Variants in RPS6KA6 observed in about 807,000 individuals in gnomAD.
The protein encoded by RPS6KA6 is ribosomal protein S6 kinase A6.
In RPS6KA6, 27 loss-of-function variants were observed where a neutral mutation model predicts 65.4. The observed-to-expected ratio is 0.41, with a 90% CI of 0.30 to 0.57. RPS6KA6 has a LOEUF of 0.57. RPS6KA6 is among the 20% of genes least tolerant of loss of function. The pLI is 0.24. For missense variants in RPS6KA6, 486 were observed against 555.6 expected, an observed-to-expected ratio of 0.87 and a Z score of 1.26; for synonymous variants, 190 against 184.2, an observed-to-expected ratio of 1.03 and a Z score of -0.26.
At chrX:84,070,569 A>G (rs973270221) in intron 20 of RPS6KA6, among the ~76,000 whole-genome samples, 3 of 111,186 alleles carry the variant, frequency 2.7e-5, no homozygotes, top group Non-Finnish European at 5.7e-5. Flanking sequence ...ATTAACCAAA[A>G]AAAAACTGTT....
chrX:84,070,903 C>G (rs2033529323), intron 20 of RPS6KA6, among the ~76,000 whole-genome samples: 1 of 108,905 alleles, frequency 9.2e-6, no homozygotes, highest in African/African-American at 3.3e-5. Context: ...CCTATCTGCC[C>G]GAAACAACCA....
At position 84,059,385 on chromosome X, in the gene RPS6KA6, T is replaced by TC. The variant is rs1457354291; in HGVS notation, c.*4891dup. 4.5e-5 allele frequency: 5 copies of TC among 110,826 alleles called. No homozygotes were observed. Among genetic ancestry groups the TC allele is most frequent in the African/African-American group, 1.6e-4 (5 of 30,483 alleles). The allele number at this position is 110,826 out of a possible 1,213,427, so 9.1% of individuals were successfully genotyped here. ...CCTCAGGTGATCCACCGCCTCGGCC[T>TC]CCCAAAGTGCTGGGATTACAGGCAT... On this transcript the variant is annotated 3_prime_UTR_variant, in exon 22 of 22. Transcript: ENST00000262752.
At chrX:84,170,230 A>G (rs145935802) in intron 1 of RPS6KA6, among the ~76,000 whole-genome samples, 1 of 109,885 alleles carries the variant, frequency 9.1e-6, no homozygotes, top group East Asian at 2.8e-4. Flanking sequence ...CATATTAGTC[A>G]CTGATAGCTT....
At chrX:84,131,452 A>G (rs2034896532) in intron 8 of RPS6KA6, among the ~76,000 whole-genome samples, 1 of 112,400 alleles carries the variant, frequency 8.9e-6, no homozygotes, top group Non-Finnish European at 1.9e-5. Flanking sequence ...TAAACTCTGC[A>G]CATTCCATTT....
At chrX:84,138,306 A>AT (rs2035030132) in intron 6 of RPS6KA6, among the ~76,000 whole-genome samples, 1 of 111,268 alleles carries the variant, frequency 9.0e-6, no homozygotes, top group Admixed American at 9.6e-5. Context: ...AAACAAGAGA[A>AT]TTTGGGGAGG....
chrX:84,104,459 A>C (rs767394272), intron 17 of RPS6KA6, 40 bp downstream of exon 17: 2 of 950,875 alleles, frequency 2.1e-6, no homozygotes, highest in Non-Finnish European at 2.8e-6. Flanking sequence ...ATGAAGATAT[A>C]GGTCCCAGAA....
chrX:84,179,581 T>C (rs914562898), intron 1 of RPS6KA6, among the ~76,000 whole-genome samples: 5 of 111,763 alleles, frequency 4.5e-5, no homozygotes, highest in Non-Finnish European at 7.5e-5. Context: ...TTCATAGATA[T>C]GAAGTTGCTG....
intron 12 of RPS6KA6, among the ~76,000 whole-genome samples, chrX:84,108,109 T>C (rs1463587505): frequency 3.6e-5 from 4 of 112,163 alleles, no homozygotes; most frequent in Non-Finnish European, 7.5e-5. Flanking sequence ...ATAAAAAATA[T>C]ACGTTAAATG....
At chrX:84,162,735 T>C (rs1435960091) in intron 2 of RPS6KA6, among the ~76,000 whole-genome samples, 1 of 112,044 alleles carries the variant, frequency 8.9e-6, no homozygotes, top group Non-Finnish European at 1.9e-5. Context: ...AGCAGCCTTC[T>C]CCTTCTCCAC....
intron 21 of RPS6KA6, 27 bp from the exon 22 acceptor site, chrX:84,064,429 C>T (rs1250200681): frequency 1.8e-6 from 2 of 1,131,775 alleles, no homozygotes; most frequent in Admixed American, 5.8e-5. Flanking sequence ...ATGCCACAAA[C>T]TAAGTACAAA....
chrX:84,080,575 G>C (rs2033772256), intron 20 of RPS6KA6, among the ~76,000 whole-genome samples: 1 of 99,607 alleles, frequency 1.0e-5, no homozygotes, highest in African/African-American at 3.7e-5. Flanking sequence ...CAACACGACA[G>C]AAAATTAACA....
chrX:84,102,570 C>T (rs2034279792), intron 17 of RPS6KA6, among the ~76,000 whole-genome samples: 2 of 110,627 alleles, frequency 1.8e-5, no homozygotes, highest in South Asian at 7.6e-4. Context: ...TAGACTTAGT[C>T]CATAATGGAC....
At chrX:84,115,399 A>C (rs991295773) in intron 12 of RPS6KA6, among the ~76,000 whole-genome samples, 1 of 112,210 alleles carries the variant, frequency 8.9e-6, no homozygotes, top group African/African-American at 3.2e-5. Context: ...TAAAACCACA[A>C]TGAAATATGA....
chrX:84,134,801 T>C lies in RPS6KA6; in HGVS notation c.627A>G (p.Ile209Met). Residue 209 changes from isoleucine (I) to methionine (M), a missense_variant, in exon 8 of 22, where the codon ATA becomes ATG. Physicochemically the swap from Ile to Met is conservative, Grantham distance 10. Around this residue, in one of 3 missense-constraint regions of RPS6KA6, gnomAD observed 35 missense variants for 75.5 expected, o/e 0.46. Transcript: ENST00000262752. ...GCATACCTGTTAATTTGATATGTCC[T>C]ATTTCATCAAGCAAAATGCTGTAAA... ...LKPENILLDEIGHIKLTDFGL... is the reference protein window; with the variant it reads ...LKPENILLDEMGHIKLTDFGL... The C allele has an allele frequency of 8.8e-7, 1 of 1,137,337 alleles. No individual in the cohort carries two copies. Among genetic ancestry groups the C allele is most frequent in the Non-Finnish European group, 1.2e-6 (1 of 846,742 alleles). 93.7% of individuals were successfully genotyped at this position (1,137,337 alleles called of 1,213,427 possible).
At chrX:84,100,278 C>G (rs1322583690) in intron 18 of RPS6KA6, among the ~76,000 whole-genome samples, 1 of 110,894 alleles carries the variant, frequency 9.0e-6, no homozygotes, top group Non-Finnish European at 1.9e-5. Context: ...AAGTGTCTTA[C>G]TACAGTGTAC....
intron 20 of RPS6KA6, among the ~76,000 whole-genome samples, chrX:84,082,367 T>C (rs1228080851): frequency 9.0e-6 from 1 of 111,068 alleles, no homozygotes; most frequent in Non-Finnish European, 1.9e-5. Flanking sequence ...GGGAATAAAA[T>C]ACATAGGAAT....
chrX:84,165,677 C>G (rs1290499802), intron 1 of RPS6KA6, among the ~76,000 whole-genome samples: 1 of 111,134 alleles, frequency 9.0e-6, no homozygotes, highest in Non-Finnish European at 1.9e-5. Flanking sequence ...ATGCTGAGTC[C>G]AACTCCAAGG....
chrX:84,091,002 T>A (rs994339357), intron 20 of RPS6KA6, among the ~76,000 whole-genome samples: 2 of 111,878 alleles, frequency 1.8e-5, no homozygotes, highest in African/African-American at 6.5e-5. Context: ...TGTGAGTGGA[T>A]TGAAAAGAGT....
At chrX:84,145,440 G>T in intron 6 of RPS6KA6, 38 bp downstream of exon 6, 1 of 896,299 alleles carries the variant, frequency 1.1e-6, no homozygotes. Context: ...TCTTAGTTTT[G>T]TTTTAAGAAA....
Sources: gnomAD v4.1 joint callset for allele counts (sites outside exome capture counted in the v4.1 genomes callset) on GRCh38, gnomAD v4.1.1 for gene constraint, gnomAD v4.1.1 regional missense constraint, MANE v1.5 for transcripts, NCBI Gene and HGNC (gene_info 2026-07-23, HGNC 2026-07-21) for gene names.